Variants in PCCA observed in about 807,000 individuals in gnomAD.
The protein encoded by PCCA is propionyl-CoA carboxylase subunit alpha.
A neutral mutation model predicts 101.3 loss-of-function variants in PCCA; 74 were observed. The observed-to-expected ratio is 0.73, with a 90% confidence interval of 0.61 to 0.89. The LOEUF is 0.89. Among genes scored for constraint, PCCA ranks in the 40% least tolerant of loss-of-function variants. The probability of loss-of-function intolerance (pLI) is 0.00; values close to 1 mark genes in which losing one functional copy is unlikely to be tolerated. For missense variants in PCCA, 891 were observed against 907.0 expected (o/e 0.98, Z 0.23); for synonymous variants, 294 against 313.6 (o/e 0.94, Z 0.66).
At position 100,336,355 on chromosome 13, in the gene PCCA, C is replaced by A. The variant is rs186396836; in HGVS notation, c.1541-3802C>A. On this transcript the variant is annotated intron_variant, in intron 17 of 23. Coordinates refer to ENST00000376285, the MANE Select transcript of PCCA (RefSeq NM_000282.4). ...GTAGCTGTTAAAAATAAATGGTAGA[C>A]CTAAAACCACTCGGGAAATACACAG... Among the ~76,000 whole-genome samples the A allele has an allele frequency of 3.2e-4, 48 of 152,222 alleles. No individual in the cohort carries two copies. The East Asian group carries it at 8.7e-3, about 28-fold the overall frequency.
chr13:100,525,150 T>C (rs189341997), intron 22 of PCCA, among the ~76,000 whole-genome samples: 4 of 152,236 alleles, frequency 2.6e-5, no homozygotes, highest in African/African-American at 9.6e-5. Context: ...GAGGATCTAA[T>C]TCTATGATTC....
chr13:100,510,883 C>T (rs868795541), intron 21 of PCCA, among the ~76,000 whole-genome samples: 3 of 152,246 alleles, frequency 2.0e-5, no homozygotes, highest in Non-Finnish European at 2.9e-5. Context: ...GTTCGCCCTG[C>T]GCCTTAGCTG....
chr13:100,245,766 G>A (rs1329085797), intron 8 of PCCA, among the ~76,000 whole-genome samples: 1 of 152,122 alleles, frequency 6.6e-6, no homozygotes, highest in African/African-American at 2.4e-5. Context: ...CTGCATTTCT[G>A]TTGCTATTCT....
chr13:100,526,893 C>T (rs2087874988), intron 22 of PCCA, among the ~76,000 whole-genome samples: 1 of 152,256 alleles, frequency 6.6e-6, no homozygotes, highest in South Asian at 2.1e-4. Context: ...AGCAAAGGCC[C>T]GTGGGCGCTC....
intron 12 of PCCA, among the ~76,000 whole-genome samples, chr13:100,298,654 C>T (rs1595185651): frequency 3.5e-4 from 1 of 2,838 alleles, no homozygotes; most frequent in African/African-American, 8.4e-4. Context: ...CTCCCTCCCT[C>T]CCTCCCTCCC....
At chr13:100,524,652 A>C (rs571876158) in intron 22 of PCCA, among the ~76,000 whole-genome samples, 62 of 152,306 alleles carry the variant, frequency 4.1e-4, no homozygotes, top group Non-Finnish European at 8.1e-4. Context: ...TGGGCGGATC[A>C]CTTGAGGTCA....
rs1227957857 is a variant in PCCA, at chr13:100,182,358, A to G, written c.468+25018A>G. 3.3e-5 allele frequency among the ~76,000 whole-genome samples: 5 copies of G among 152,166 alleles called. No individual in the cohort carries two copies. The South Asian group carries it at 8.3e-4, about 25-fold the overall frequency. On this transcript the variant is annotated intron_variant, in intron 6 of 23. Coordinates refer to ENST00000376285, the MANE Select transcript of PCCA (RefSeq NM_000282.4). ...GTGATCCTCCTGCCTCGGCCTCCCA[A>G]AGTGCTAGGATTACAGCACTGTGCC...
intron 21 of PCCA, among the ~76,000 whole-genome samples, chr13:100,458,709 G>A (rs1445097698): frequency 6.6e-6 from 1 of 152,070 alleles, no homozygotes; most frequent in African/African-American, 2.4e-5. Context: ...TGAAGGAAAA[G>A]TTTTCCAAAT....
chr13:100,138,025 G>A (rs1245129451), intron 4 of PCCA, among the ~76,000 whole-genome samples: 2 of 152,094 alleles, frequency 1.3e-5, no homozygotes, highest in East Asian at 3.9e-4. Flanking sequence ...CTGGACTCAA[G>A]CATTCCTCTC....
At chr13:100,526,704 A>G (rs887209867) in intron 22 of PCCA, among the ~76,000 whole-genome samples, 2 of 152,270 alleles carry the variant, frequency 1.3e-5, no homozygotes, top group Admixed American at 6.5e-5. Flanking sequence ...TGGGAGGCCA[A>G]AGAAAAACCT....
intron 1 of PCCA, among the ~76,000 whole-genome samples, chr13:100,090,037 C>G (rs1255147152): frequency 6.6e-6 from 1 of 152,228 alleles, no homozygotes; most frequent in East Asian, 1.9e-4. Flanking sequence ...TGAACACATT[C>G]TTTAAAATGA....
intron 21 of PCCA, chr13:100,491,767 G>T: frequency 8.4e-7 from 1 of 1,195,756 alleles, no homozygotes; most frequent in Non-Finnish European, 1.1e-6. Flanking sequence ...AGCTCTTTTG[G>T]ATTTGTAACA....
At chr13:100,392,760 T>A (rs2076862566) in intron 19 of PCCA, among the ~76,000 whole-genome samples, 1 of 152,192 alleles carries the variant, frequency 6.6e-6, no homozygotes, top group South Asian at 2.1e-4. Context: ...ATAAGTGGGA[T>A]TCCAAACAGA....
intron 8 of PCCA, among the ~76,000 whole-genome samples, chr13:100,247,429 G>A (rs528297667): frequency 1.6e-4 from 24 of 150,894 alleles, no homozygotes; most frequent in Middle Eastern, 3.5e-3. Context: ...TATTAGCCAG[G>A]ATGGTCTTGA....
intron 17 of PCCA, among the ~76,000 whole-genome samples, chr13:100,338,939 G>A (rs1030304891): frequency 2.6e-5 from 4 of 151,808 alleles, no homozygotes; most frequent in African/African-American, 4.8e-5. Flanking sequence ...TAGACATAAT[G>A]TTTAAATTAC....
intron 7 of PCCA, among the ~76,000 whole-genome samples, chr13:100,221,303 A>G (rs1194408413): frequency 7.9e-5 from 12 of 152,190 alleles, no homozygotes; most frequent in Admixed American, 7.2e-4. Context: ...TCATCTCACC[A>G]TTGTGGTTGG....
At chr13:100,116,571 G>A (rs1257650380) in intron 4 of PCCA, among the ~76,000 whole-genome samples, 2 of 152,064 alleles carry the variant, frequency 1.3e-5, no homozygotes, top group Non-Finnish European at 2.9e-5. Flanking sequence ...TTGGTCCTTC[G>A]CTCTTCCATG....
intron 6 of PCCA, among the ~76,000 whole-genome samples, chr13:100,175,731 G>T (rs1057207244): frequency 6.6e-6 from 1 of 152,158 alleles, no homozygotes; most frequent in African/African-American, 2.4e-5. Context: ...TACCCTGCCA[G>T]GCCTTTCAGT....
At chr13:100,150,918 C>T (rs2053235671) in intron 4 of PCCA, 2 of 1,547,680 alleles carry the variant, frequency 1.3e-6, no homozygotes, top group Non-Finnish European at 1.8e-6. Flanking sequence ...CTATATATAA[C>T]GTAACCTTGC....
Sources: allele counts gnomAD v4.1 joint callset (sites outside exome capture counted in the v4.1 genomes callset), GRCh38; gene constraint gnomAD v4.1.1; transcripts MANE v1.5; gene names NCBI Gene and HGNC (gene_info 2026-07-23, HGNC 2026-07-21).